Variants in NAALADL2 observed in about 807,000 individuals in gnomAD.
NAALADL2 encodes N-acetylated alpha-linked acidic dipeptidase like 2, also known as inactive N-acetylated-alpha-linked acidic dipeptidase-like protein 2.
NAALADL2 carries 76 observed loss-of-function variants against 87.2 expected under a neutral mutation model. The ratio of observed to expected loss-of-function variants is 0.87; its 90% CI spans 0.72 to 1.05. The LOEUF is 1.05. Among genes scored for constraint, NAALADL2 ranks in the 50% least tolerant of loss-of-function variants. The probability of loss-of-function intolerance (pLI) is 0.00; values close to 1 mark genes in which losing one functional copy is unlikely to be tolerated. For missense variants in NAALADL2, 1,089 were observed against 945.8 expected, an observed-to-expected ratio of 1.15 and a Z score of -1.99; for synonymous variants, 354 against 331.0, an observed-to-expected ratio of 1.07 and a Z score of -0.75.
rs572276519 is a variant in NAALADL2, at chr3:174,442,703, C to T, written c.-184+1671C>T. On this transcript the variant is annotated intron_variant, in intron 1 of 3. Coordinates refer to the NAALADL2 transcript ENST00000434257. ...GAAACTTCTGGCTTCTTGGAATATA[C>T]ATTCTAGTGGAGGGAGACAGTATAT... Among the ~76,000 whole-genome samples, 3 of 152,246 alleles carry T rather than the reference C, an allele frequency of 2.0e-5. No homozygotes were observed. The East Asian group carries it at 5.8e-4, about 29-fold the overall frequency.
At chr3:175,243,765 A>G (rs977220447) in intron 3 of NAALADL2, among the ~76,000 whole-genome samples, 2 of 152,068 alleles carry the variant, frequency 1.3e-5, no homozygotes, top group Admixed American at 1.3e-4. Flanking sequence ...AAGCTACTCA[A>G]AATTTAATCA....
At chr3:175,451,282 C>G (rs1016484838) in intron 6 of NAALADL2, among the ~76,000 whole-genome samples, 6 of 151,744 alleles carry the variant, frequency 4.0e-5, no homozygotes, top group African/African-American at 1.5e-4. Context: ...GAGATAGGCT[C>G]AGCAAATTGA....
chr3:175,660,968 G>A (rs1348694793), intron 11 of NAALADL2, among the ~76,000 whole-genome samples: 1 of 152,046 alleles, frequency 6.6e-6, no homozygotes, highest in Non-Finnish European at 1.5e-5. Flanking sequence ...TGACGGTGCA[G>A]ATATCCTTTG....
At chr3:175,326,337 A>G (rs1001970528) in intron 5 of NAALADL2, among the ~76,000 whole-genome samples, 2 of 152,174 alleles carry the variant, frequency 1.3e-5, no homozygotes, top group African/African-American at 2.4e-5. Flanking sequence ...AGTAATCTCT[A>G]TGAAGATACA....
chr3:174,501,841 A>G (rs1289711230), intron 1 of NAALADL2, among the ~76,000 whole-genome samples: 1 of 151,996 alleles, frequency 6.6e-6, no homozygotes, highest in Non-Finnish European at 1.5e-5. Context: ...TAATTCTTTC[A>G]AAGAATCAAT....
rs142464572 is a variant in NAALADL2 at position 174,818,492 on chromosome 3, G to A, written c.-9+80746G>A. Among the ~76,000 whole-genome samples the A allele has an allele frequency of 6.9e-4, 105 of 152,092 alleles. 1 individual carries two copies. The East Asian group carries it at 0.016, about 23-fold the overall frequency. Reference sequence around the variant, plus strand: ...AATCTGTAAGTATTACATTGTATTTGTTGTTGTATTTATTTGAATATAAAA... The same window carrying A: ...AATCTGTAAGTATTACATTGTATTTATTGTTGTATTTATTTGAATATAAAA... On this transcript the variant is annotated intron_variant, in intron 3 of 3. Coordinates refer to the NAALADL2 transcript ENST00000434257.
At chr3:175,568,016 C>T (rs971747578) in intron 9 of NAALADL2, among the ~76,000 whole-genome samples, 1 of 151,804 alleles carries the variant, frequency 6.6e-6, no homozygotes, top group African/African-American at 2.4e-5. Context: ...GCGCCCGGCC[C>T]CAAAAATTTC....
At chr3:175,206,760 G>C (rs112999029) in intron 2 of NAALADL2, among the ~76,000 whole-genome samples, 110 of 152,216 alleles carry the variant, frequency 7.2e-4, no homozygotes, top group African/African-American at 2.4e-3. Flanking sequence ...GCTAGAAGTC[G>C]TTGGCAGCAC....
At chr3:174,679,201 T>C (rs1282825268) in intron 2 of NAALADL2, among the ~76,000 whole-genome samples, 1 of 152,166 alleles carries the variant, frequency 6.6e-6, no homozygotes, top group African/African-American at 2.4e-5. Flanking sequence ...CCTGTAAGTC[T>C]GAACTTCTAT....
At chr3:174,641,697 C>T (rs1403683730) in intron 2 of NAALADL2, among the ~76,000 whole-genome samples, 3 of 152,166 alleles carry the variant, frequency 2.0e-5, no homozygotes, top group Admixed American at 1.3e-4. Flanking sequence ...AGAGGCCAGG[C>T]CCCCAGCATA....
At position 175,704,674 on chromosome 3, in the gene NAALADL2, A is replaced by G. The variant is rs1739433762; in HGVS notation, c.1897-32632A>G. ...ACAAACATATGCTCTTCATTGATCT[A>G]TACCTTTGTTTCTCCAAATCTTTAA... On this transcript the variant is annotated intron_variant, in intron 11 of 13. Coordinates refer to ENST00000454872, the MANE Select transcript of NAALADL2 (RefSeq NM_207015.3). Among the ~76,000 whole-genome samples, 3 of 152,142 alleles carry G rather than the reference A, an allele frequency of 2.0e-5. No individual in the cohort carries two copies. The South Asian group carries it at 6.2e-4, about 32-fold the overall frequency.
At chr3:174,867,741 A>G (rs963945034) in intron 1 of NAALADL2, among the ~76,000 whole-genome samples, 130 of 152,242 alleles carry the variant, frequency 8.5e-4, no homozygotes, top group African/African-American at 2.9e-3. Context: ...AAGAAGCTTT[A>G]AATAAAAGAA....
chr3:175,194,745 T>C (rs548207369), intron 2 of NAALADL2, among the ~76,000 whole-genome samples: 5 of 151,914 alleles, frequency 3.3e-5, no homozygotes, highest in African/African-American at 9.6e-5. Flanking sequence ...TGTATTAATA[T>C]ATACATTTAA....
chr3:175,233,237 A>G lies in NAALADL2; in HGVS notation c.546-694A>G, dbSNP rs569729806. Among the ~76,000 whole-genome samples, 29 of 152,278 alleles carry G rather than the reference A, an allele frequency of 1.9e-4. No homozygotes were observed. The South Asian group carries it at 5.8e-3, about 30-fold the overall frequency. On this transcript the variant is annotated intron_variant, in intron 2 of 13. Coordinates refer to ENST00000454872, the MANE Select transcript of NAALADL2 (RefSeq NM_207015.3). Reference sequence around the variant, plus strand: ...ATAGCAATAACTATATGTCAATCATATTGTTTTAAATGAAATCACCTTAAC... The same window carrying G: ...ATAGCAATAACTATATGTCAATCATGTTGTTTTAAATGAAATCACCTTAAC...
chr3:175,803,265 C>A lies in NAALADL2; in HGVS notation c.*62C>A. On this transcript the variant is annotated 3_prime_UTR_variant, in exon 14 of 14. Transcript: ENST00000454872. Reference sequence around the variant, plus strand: ...TCCACAAGCAAAAGCTCTAATTTAACCAGATTTTCTGACATTGAAGGCTTA... The same window carrying A: ...TCCACAAGCAAAAGCTCTAATTTAAACAGATTTTCTGACATTGAAGGCTTA... 7.8e-7 allele frequency: 1 copy of A among 1,284,582 alleles called. No homozygotes were observed. The highest frequency in any genetic ancestry group is 1.1e-6 in the Non-Finnish European group (1 of 937,552). 79.6% of individuals were successfully genotyped at this position (1,284,582 alleles called of 1,614,324 possible).
At chr3:174,467,596 TAA>T (rs58227642) in intron 1 of NAALADL2, among the ~76,000 whole-genome samples, 1,090 of 59,540 alleles carry the variant, frequency 0.018, 24 homozygotes, top group East Asian at 0.12. Context: ...CCATCTCAGT[TAA>T]AAAAAAAAAA....
intron 11 of NAALADL2, among the ~76,000 whole-genome samples, chr3:175,641,638 C>T (rs1729303187): frequency 6.6e-6 from 1 of 152,172 alleles, no homozygotes; most frequent in South Asian, 2.1e-4. Flanking sequence ...TAAAAGTAAA[C>T]ATGAGGCAAC....
At chr3:174,493,062 T>C (rs1475650119) in intron 1 of NAALADL2, among the ~76,000 whole-genome samples, 3 of 152,174 alleles carry the variant, frequency 2.0e-5, no homozygotes, top group African/African-American at 4.8e-5. Context: ...AAAATCTGGA[T>C]CATTATGTAG....
chr3:174,545,998 TG>T (rs540692483), intron 1 of NAALADL2, among the ~76,000 whole-genome samples: 5 of 151,624 alleles, frequency 3.3e-5, no homozygotes, highest in East Asian at 1.9e-4. Context: ...TTTTTCTGCT[TG>T]TTTTTTTTGG....
Sources: allele counts gnomAD v4.1 joint callset (sites outside exome capture counted in the v4.1 genomes callset), GRCh38; gene constraint gnomAD v4.1.1; transcripts MANE v1.5; gene names NCBI Gene and HGNC (gene_info 2026-07-23, HGNC 2026-07-21).